USH2A: variants seen among roughly 807,000 people sequenced by gnomAD.
USH2A encodes Usher syndrome 2A (autosomal recessive, mild).
In USH2A, 443 loss-of-function variants were observed where a neutral mutation model predicts 538.9. That is an observed-to-expected ratio of 0.82 (90% CI 0.76 to 0.89). USH2A has a LOEUF of 0.89. USH2A is among the 40% of genes least tolerant of loss of function. USH2A has a pLI of 0.00. For missense variants in USH2A, 6,633 were observed against 6,324.8 expected, an observed-to-expected ratio of 1.05 and a Z score of -1.65; for synonymous variants, 2,413 against 2,273.5, an observed-to-expected ratio of 1.06 and a Z score of -1.75.
At chr1:216,334,647 C>T (rs115269353) in intron 4 of USH2A, among the ~76,000 whole-genome samples, 6,176 of 151,918 alleles carry the variant, frequency 0.041, 182 homozygotes, top group Middle Eastern at 0.11. Context: ...AGATACACCA[C>T]GTAAACAATA....
chr1:215,723,401 C>T (rs1659720183), intron 61 of USH2A, among the ~76,000 whole-genome samples: 1 of 152,196 alleles, frequency 6.6e-6, no homozygotes, highest in South Asian at 2.1e-4. Context: ...GAATTCATGC[C>T]TCCATTGCAC....
chr1:216,259,596 A>G (rs1444061551), intron 11 of USH2A, among the ~76,000 whole-genome samples: 1 of 152,130 alleles, frequency 6.6e-6, no homozygotes, highest in Non-Finnish European at 1.5e-5. Context: ...TTCAAAGATT[A>G]ATAAAATTAA....
At position 216,021,083 on chromosome 1, in the gene USH2A, G is replaced by A. The variant is rs139710737; in HGVS notation, c.6326-20521C>T. On this transcript the variant is annotated intron_variant, in intron 32 of 71. Coordinates refer to ENST00000307340, the MANE Select transcript of USH2A (RefSeq NM_206933.4). ...CTTACTCTAACTCCAGGTAGTTACT[G>A]TCAGAACTGAGCTGAACTATAGCAT... 3.9e-5 allele frequency among the ~76,000 whole-genome samples: 6 copies of A among 152,220 alleles called. No homozygotes were observed. The East Asian group carries it at 9.7e-4, about 25-fold the overall frequency.
intron 53 of USH2A, 68 bp downstream of exon 53, chr1:215,782,670 G>T: frequency 1.3e-6 from 2 of 1,509,654 alleles, no homozygotes; most frequent in Non-Finnish European, 1.8e-6. Flanking sequence ...AATGTAGATT[G>T]TACTCATTTC....
At chr1:216,286,850 T>C (rs1318368492) in intron 11 of USH2A, among the ~76,000 whole-genome samples, 1 of 152,222 alleles carries the variant, frequency 6.6e-6, no homozygotes, top group Non-Finnish European at 1.5e-5. Flanking sequence ...TAGAATACTA[T>C]GTATTAGAAT....
At chr1:215,749,518 C>A (rs4595347) in intron 58 of USH2A, among the ~76,000 whole-genome samples, 63,433 of 152,002 alleles carry the variant, frequency 0.42, 15,089 homozygotes, top group African/African-American at 0.64. Context: ...ATCATAATTT[C>A]CAGGACTGTG....
intron 30 of USH2A, among the ~76,000 whole-genome samples, chr1:216,057,303 T>C (rs898901721): frequency 3.3e-5 from 5 of 152,172 alleles, no homozygotes; most frequent in African/African-American, 1.2e-4. Flanking sequence ...CATTTCTATT[T>C]TTACTATTTA....
At chr1:215,640,856 A>T (rs1445676964) in intron 67 of USH2A, 122 bp from the exon 68 acceptor site, 1 of 1,102,418 alleles carries the variant, frequency 9.1e-7, no homozygotes, top group Non-Finnish European at 1.3e-6. Context: ...AAAAAAAAAA[A>T]AAAAAAGAAA....
chr1:216,004,217 AG>A (rs1437288339), intron 32 of USH2A, among the ~76,000 whole-genome samples: 1 of 152,204 alleles, frequency 6.6e-6, no homozygotes, highest in Non-Finnish European at 1.5e-5. Flanking sequence ...TTACAGGAAG[AG>A]TTCATGGCTT....
intron 32 of USH2A, among the ~76,000 whole-genome samples, chr1:216,006,413 A>C (rs1668394295): frequency 1.3e-5 from 2 of 152,120 alleles, no homozygotes; most frequent in Non-Finnish European, 2.9e-5. Context: ...CATCCATTAC[A>C]AAGCCATACT....
chr1:215,905,059 C>G lies in USH2A; in HGVS notation c.7301-4154G>C, dbSNP rs115277785. The stretch of plus-strand genomic sequence containing the variant: ...AGAAAACAAAACAAAATAAAACAAA[C>G]GAAAAAATATAAAATGATTTATTTA... On this transcript the variant is annotated intron_variant, in intron 38 of 71. Coordinates refer to ENST00000307340, the MANE Select transcript of USH2A (RefSeq NM_206933.4). Among the ~76,000 whole-genome samples, 1,215 of 152,004 alleles carry G rather than the reference C, an allele frequency of 8.0e-3. 13 individuals carry two copies. Among genetic ancestry groups the G allele is most frequent in the African/African-American group, 0.028 (1,169 of 41,502 alleles).
chr1:216,292,231 A>G lies in USH2A; in HGVS notation c.1784T>C (p.Phe595Ser), dbSNP rs200496467. Residue 595 changes from phenylalanine to serine, a missense_variant, in exon 10 of 72, where the codon TTT (phenylalanine) becomes TCT (serine). Phe to Ser is a radical substitution (Grantham distance 155). Coordinates refer to ENST00000307340, the MANE Select transcript of USH2A (RefSeq NM_206933.4). ...HYNISVDPFP[F>S]EHFRGGGGVC... is the part of the protein sequence containing the mutation. The stretch of plus-strand genomic sequence containing the variant: ...TCCTCCTCCCCCTCTGAAGTGCTCA[A>G]AAGGAAATGGGTCTACAGAGATGTT... The G allele has an allele frequency of 5.3e-5, 86 of 1,614,088 alleles. No homozygotes were observed. In the Admixed American group the frequency reaches 1.1e-3, roughly 21 times the overall value.
chr1:216,105,723 T>C (rs921953942), intron 21 of USH2A, among the ~76,000 whole-genome samples: 2 of 152,074 alleles, frequency 1.3e-5, no homozygotes, highest in African/African-American at 4.8e-5. Context: ...TTTAACAATA[T>C]TTTGTTTTTC....
intron 61 of USH2A, among the ~76,000 whole-genome samples, chr1:215,705,118 A>G (rs900378135): frequency 5.9e-5 from 9 of 152,214 alleles, no homozygotes; most frequent in African/African-American, 1.9e-4. Flanking sequence ...ATTTAAACAC[A>G]CTGTTATTTT....
In USH2A at chr1:215,934,792, C is replaced by T; in HGVS notation, c.7124G>A (p.Gly2375Asp). Residue 2375 changes from glycine to aspartate, a missense_variant, in exon 38 of 72, where the codon GGT becomes GAT. Coordinates refer to ENST00000307340, the MANE Select transcript of USH2A (RefSeq NM_206933.4). ...FTGIFYVDPV[G>D]NNYTLLNVTK... ...GACATTCAGAAGGGTGTAGTTATTA[C>T]CTACTGATTAAAAAAGAAAATTATT... The T allele has an allele frequency of 6.2e-7, 1 of 1,607,834 alleles. No homozygotes were observed. The highest frequency in any genetic ancestry group is 8.5e-7 in the Non-Finnish European group (1 of 1,176,998).
chr1:216,025,755 G>A (rs2102505917), intron 32 of USH2A, among the ~76,000 whole-genome samples: 1 of 152,112 alleles, frequency 6.6e-6, no homozygotes, highest in East Asian at 1.9e-4. Flanking sequence ...CAATGATTCA[G>A]CTGAGGGGAA....
At chr1:216,354,875 T>C (rs1297976708) in intron 4 of USH2A, among the ~76,000 whole-genome samples, 1 of 151,884 alleles carries the variant, frequency 6.6e-6, no homozygotes, top group Admixed American at 6.6e-5. Flanking sequence ...AACTTCCAAA[T>C]GTAATGAAAA....
chr1:216,066,143 A>G (rs1223840774), intron 30 of USH2A, among the ~76,000 whole-genome samples: 1 of 151,952 alleles, frequency 6.6e-6, no homozygotes, highest in Non-Finnish European at 1.5e-5. Flanking sequence ...TGCTGGTGGA[A>G]GCATAATTTG....
intron 48 of USH2A, 42 bp downstream of exon 48, chr1:215,816,955 G>T: frequency 6.3e-7 from 1 of 1,598,394 alleles, no homozygotes; most frequent in Non-Finnish European, 8.6e-7. Flanking sequence ...GGAGTCTTGA[G>T]TGAGAAAAAC....
Sources: allele counts gnomAD v4.1 joint callset (sites outside exome capture counted in the v4.1 genomes callset), GRCh38; gene constraint gnomAD v4.1.1; transcripts MANE v1.5; gene names NCBI Gene and HGNC (gene_info 2026-07-23, HGNC 2026-07-21).